LTBP1: variants seen among roughly 807,000 people sequenced by gnomAD.
LTBP1 encodes latent transforming growth factor beta binding protein 1, also known as latent-transforming growth factor beta-binding protein 1.
Under a neutral mutation model 207.6 loss-of-function variants are expected in LTBP1, and 129 were observed. The ratio of observed to expected loss-of-function variants is 0.62; its 90% CI spans 0.54 to 0.72. The LOEUF is 0.72. Among genes scored for constraint, LTBP1 ranks in the 30% least tolerant of loss-of-function variants. The probability of loss-of-function intolerance (pLI) is 0.00; values close to 1 mark genes in which losing one functional copy is unlikely to be tolerated. For missense variants in LTBP1, 2,281 were observed against 2,217.2 expected (o/e 1.03, Z -0.58); for synonymous variants, 963 against 833.7 (o/e 1.16, Z -2.67).
At chr2:33,382,431 T>TTA (rs2095227148) in intron 31 of LTBP1, among the ~76,000 whole-genome samples, 1 of 151,832 alleles carries the variant, frequency 6.6e-6, no homozygotes. Flanking sequence ...TTATACATGC[T>TTA]TATGACTCTC....
intron 12 of LTBP1, 66 bp downstream of exon 12, chr2:33,257,577 T>C: frequency 7.5e-7 from 1 of 1,328,864 alleles, no homozygotes; most frequent in South Asian, 1.3e-5. Flanking sequence ...GATTTCCCTG[T>C]TTATAACCCT....
intron 2 of LTBP1, among the ~76,000 whole-genome samples, chr2:32,955,868 T>C (rs1196611734): frequency 6.6e-6 from 1 of 152,190 alleles, no homozygotes; most frequent in Non-Finnish European, 1.5e-5. Context: ...TTCGTACTTA[T>C]GGAAAAATAC....
chr2:33,119,866 C>T lies in LTBP1; in HGVS notation c.1033+9115C>T, dbSNP rs1191343409. 3.3e-5 allele frequency among the ~76,000 whole-genome samples: 5 copies of T among 152,072 alleles called. 1 individual carries two copies. Among genetic ancestry groups the T allele is most frequent in the Admixed American group, 2.6e-4 (4 of 15,258 alleles). The stretch of plus-strand genomic sequence containing the variant: ...AGCACTGCGCCTGGCCTGTAAATAC[C>T]TTTCTTATATTTTATATGTGACATT... On this transcript the variant is annotated intron_variant, in intron 4 of 33. Transcript: ENST00000404816.
intron 7 of LTBP1, among the ~76,000 whole-genome samples, chr2:33,193,988 T>TTATTTATTTATG (rs557389720): frequency 0.025 from 3,804 of 151,796 alleles, 63 homozygotes; most frequent in Middle Eastern, 0.041. Flanking sequence ...TTATTTTTAT[T>TTATTTATTTATG]TATTTATTTA....
intron 10 of LTBP1, among the ~76,000 whole-genome samples, chr2:33,247,549 A>G (rs2092551711): frequency 1.3e-5 from 2 of 152,258 alleles, no homozygotes; most frequent in Admixed American, 6.5e-5. Flanking sequence ...TTTGTATTAC[A>G]AAGACAGAGT....
chr2:33,186,576 A>G (rs562623230), intron 5 of LTBP1, among the ~76,000 whole-genome samples: 49 of 152,294 alleles, frequency 3.2e-4, no homozygotes, highest in Admixed American at 1.7e-3. Flanking sequence ...TGGCTACTGT[A>G]TATACACACT....
intron 7 of LTBP1, among the ~76,000 whole-genome samples, chr2:33,201,599 G>A (rs1290951518): frequency 6.6e-6 from 1 of 151,226 alleles, no homozygotes; most frequent in Admixed American, 6.6e-5. Context: ...TGCACATTGT[G>A]CACATGTAAC....
chr2:33,091,355 T>C (rs1046072454), intron 3 of LTBP1, among the ~76,000 whole-genome samples: 10 of 152,144 alleles, frequency 6.6e-5, no homozygotes, highest in African/African-American at 2.4e-4. Flanking sequence ...TTAATACTAG[T>C]AGTAACAGAG....
intron 7 of LTBP1, among the ~76,000 whole-genome samples, chr2:33,207,700 A>G (rs1439930233): frequency 6.6e-6 from 1 of 152,236 alleles, no homozygotes; most frequent in Non-Finnish European, 1.5e-5. Context: ...AAGTTGATCA[A>G]ATATGTTGCT....
At chr2:33,229,964 G>C (rs75058710) in intron 9 of LTBP1, among the ~76,000 whole-genome samples, 4,418 of 152,266 alleles carry the variant, frequency 0.029, 222 homozygotes, top group African/African-American at 0.1. Context: ...ATTTCATTCA[G>C]TAAATCTATT....
intron 7 of LTBP1, among the ~76,000 whole-genome samples, chr2:33,201,622 G>A (rs2089286202): frequency 6.8e-6 from 1 of 147,528 alleles, no homozygotes; most frequent in Non-Finnish European, 1.5e-5. Context: ...AAAACTTAAA[G>A]TATAATGATA....
chr2:33,067,383 G>A (rs1294544214), intron 3 of LTBP1, among the ~76,000 whole-genome samples: 2 of 152,172 alleles, frequency 1.3e-5, no homozygotes, highest in South Asian at 4.1e-4. Flanking sequence ...GTAATATTAA[G>A]ATGCTTTATA....
chr2:33,172,190 C>T (rs1242185150), intron 5 of LTBP1, among the ~76,000 whole-genome samples: 1 of 152,150 alleles, frequency 6.6e-6, no homozygotes, highest in African/African-American at 2.4e-5. Flanking sequence ...ACTAAATGCT[C>T]CAAGTAAAAG....
intron 24 of LTBP1, among the ~76,000 whole-genome samples, chr2:33,330,560 T>C (rs945763163): frequency 6.6e-6 from 1 of 151,812 alleles, no homozygotes; most frequent in African/African-American, 2.4e-5. Context: ...TTCTTTATCA[T>C]GCTTGGTTTT....
chr2:33,376,605 G>A (rs2095142812), intron 31 of LTBP1, among the ~76,000 whole-genome samples: 1 of 152,132 alleles, frequency 6.6e-6, no homozygotes, highest in Non-Finnish European at 1.5e-5. Context: ...TGTTTCTCAT[G>A]TGTGTTTTTT....
At chr2:33,317,747 G>C (rs1013023970) in intron 24 of LTBP1, 1 of 152,168 alleles carries the variant, frequency 6.6e-6, no homozygotes, top group African/African-American at 2.4e-5. Flanking sequence ...TGACCTGCCC[G>C]GCTCTAAGCA....
At chr2:33,188,941 T>TAA (rs543321820) in intron 7 of LTBP1, 90 bp downstream of exon 7, 5 of 1,410,732 alleles carry the variant, frequency 3.5e-6, no homozygotes, top group East Asian at 2.3e-5. Context: ...AAATGCTTTT[T>TAA]TAAAAAAAAG....
chr2:33,146,656 G>A (rs903642455), intron 5 of LTBP1, among the ~76,000 whole-genome samples: 5 of 152,200 alleles, frequency 3.3e-5, no homozygotes, highest in East Asian at 3.8e-4. Context: ...AGCATGGTTG[G>A]GGAGGCCTCA....
At chr2:33,038,363 T>C (rs2076025950) in intron 3 of LTBP1, among the ~76,000 whole-genome samples, 1 of 152,206 alleles carries the variant, frequency 6.6e-6, no homozygotes, top group South Asian at 2.1e-4. Context: ...TGATCTAATC[T>C]TTTACCTTAT....
Sources: gnomAD v4.1 joint callset for allele counts (sites outside exome capture counted in the v4.1 genomes callset) on GRCh38, gnomAD v4.1.1 for gene constraint, MANE v1.5 for transcripts, NCBI Gene and HGNC (gene_info 2026-07-23, HGNC 2026-07-21) for gene names.